PKD1L1: variants seen among roughly 807,000 people sequenced by gnomAD.
PKD1L1 encodes the protein polycystin-1-like protein 1.
PKD1L1 carries 236 observed loss-of-function variants against 323.4 expected under a neutral mutation model. The ratio of observed to expected loss-of-function variants is 0.73; its 90% CI spans 0.66 to 0.81. The LOEUF (loss-of-function observed/expected upper bound fraction) is 0.81, where lower values mean the gene tolerates loss of function less well. Ranked by LOEUF, PKD1L1 falls within the 40% of genes least tolerant of loss-of-function variation. PKD1L1 has a pLI of 0.00. For missense variants in PKD1L1, 3,320 were observed against 3,508.0 expected, an observed-to-expected ratio of 0.95 and a Z score of 1.35; for synonymous variants, 1,344 against 1,335.0, an observed-to-expected ratio of 1.01 and a Z score of -0.15.
chr7:47,787,577 T>C (rs1337534181), intron 56 of PKD1L1, among the ~76,000 whole-genome samples: 1 of 152,188 alleles, frequency 6.6e-6, no homozygotes, highest in African/African-American at 2.4e-5. Context: ...GTGTTGTGTA[T>C]ATAAAGGACT....
chr7:47,947,900 A>G (rs911466775), intron 1 of PKD1L1, among the ~76,000 whole-genome samples: 3 of 151,858 alleles, frequency 2.0e-5, no homozygotes, highest in Non-Finnish European at 2.9e-5. Flanking sequence ...CCCAGGAGGC[A>G]GAGCTTGCAG....
At chr7:47,937,426 A>T (rs558145300) in intron 3 of PKD1L1, among the ~76,000 whole-genome samples, 1 of 152,312 alleles carries the variant, frequency 6.6e-6, no homozygotes, top group East Asian at 1.9e-4. Flanking sequence ...CTGCAGCCAC[A>T]AGTGGGAACC....
Position 47,894,008 on chromosome 7 carries a change from C to G in PKD1L1, c.2323G>C (p.Val775Leu). 7 of 1,609,904 alleles carry G rather than the reference C, an allele frequency of 4.3e-6. No individual in the cohort carries two copies. The highest frequency in any genetic ancestry group is 5.9e-6 in the Non-Finnish European group (7 of 1,177,984). ...VYSNYCVGLE[V>L]RAQAPVSVIS... ...ACACTGACAGGGGCCTGGGCTCGCA[C>G]CTCCAGGCCCACACAGTAGTTGCTG... The change falls in exon 15 of 57, where the codon GTG becomes CTG. Residue 775 changes from valine (V) to leucine (L), a missense_variant. By Grantham distance (32) the Val-to-Leu change is conservative. Transcript: ENST00000289672.
the PKD1L1 span, among the ~76,000 whole-genome samples, chr7:47,956,281 G>A: frequency 6.6e-6 from 1 of 152,224 alleles, no homozygotes; most frequent in South Asian, 2.1e-4. Flanking sequence ...AAAAGAGAGC[G>A]GGAGGTGGGC....
intron 31 of PKD1L1, among the ~76,000 whole-genome samples, chr7:47,851,047 T>C (rs956209457): frequency 6.6e-6 from 1 of 152,160 alleles, no homozygotes; most frequent in South Asian, 2.1e-4. Context: ...CCCTGGGTGT[T>C]GGATTTGAAT....
intron 55 of PKD1L1, among the ~76,000 whole-genome samples, chr7:47,795,123 T>C (rs529172332): frequency 1.3e-5 from 2 of 152,318 alleles, no homozygotes; most frequent in South Asian, 2.1e-4. Flanking sequence ...TAATTGGTTT[T>C]GAAATGTGAG....
chr7:47,890,048 G>T (rs1786775575), intron 16 of PKD1L1, among the ~76,000 whole-genome samples: 1 of 152,238 alleles, frequency 6.6e-6, no homozygotes, highest in South Asian at 2.1e-4. Flanking sequence ...CGCTACAGGG[G>T]TTCTGGGTTT....
upstream of PKD1L1, among the ~76,000 whole-genome samples, chr7:47,952,122 C>T (rs1421702338): frequency 6.6e-6 from 1 of 152,236 alleles, no homozygotes; most frequent in Non-Finnish European, 1.5e-5. Context: ...CCACTCCCAG[C>T]CCACGCTCTG....
intron 7 of PKD1L1, among the ~76,000 whole-genome samples, chr7:47,922,670 C>A (rs1787572688): frequency 6.6e-6 from 1 of 152,014 alleles, no homozygotes. Context: ...AGCCCCTCCG[C>A]CCGGCAGCTG....
At position 47,940,223 on chromosome 7, in the gene PKD1L1, CTG is replaced by C. The variant is rs1787955725; in HGVS notation, c.253_254del (p.Gln85GlufsTer17). 4 of 1,614,134 alleles carry C rather than the reference CTG, an allele frequency of 2.5e-6. No individual in the cohort carries two copies. The African/African-American group carries it at 5.3e-5, about 22-fold the overall frequency. On this transcript the variant is annotated frameshift_variant, in exon 3 of 57. Coordinates refer to ENST00000289672, the MANE Select transcript of PKD1L1 (RefSeq NM_138295.5). LOFTEE classifies it high-confidence loss of function. Reference protein sequence around the residue: ...LNGKAEDRESQSPSSSASRQK... With the variant: ...LNGKAEDRESXSPSSSASRQK... ...GCCTGGAAGCTGATGAGGATGGGCT[CTG>C]TGATTCCCGGTCTTCTGCCTTTCCA...
intron 7 of PKD1L1, among the ~76,000 whole-genome samples, chr7:47,921,238 C>CAAAA (rs139205889): frequency 3.1e-4 from 25 of 79,482 alleles, no homozygotes; most frequent in Admixed American, 5.5e-4. Flanking sequence ...AGACAATTCT[C>CAAAA]AAAAAAAAAA....
intron 3 of PKD1L1, among the ~76,000 whole-genome samples, chr7:47,938,317 G>C (rs13239959): frequency 1.3e-5 from 2 of 152,082 alleles, no homozygotes; most frequent in African/African-American, 4.8e-5. Context: ...ATGCCAGCTC[G>C]TGCCTGAGTG....
chr7:47,860,009 C>T (rs191513413), intron 26 of PKD1L1, among the ~76,000 whole-genome samples: 3 of 152,314 alleles, frequency 2.0e-5, no homozygotes, highest in African/African-American at 7.2e-5. Context: ...ATACGTCTAT[C>T]ACCCAACTTT....
In PKD1L1 at chr7:47,831,225, T is replaced by G. The variant is rs1175401157; in HGVS notation, c.6465A>C (p.Leu2155=). ...SLACSLGTGF[L]AYRFGQEQCV... ...AAAACTCTACAGCTCACCTGTAGGC[T>G]AGAAATCCTGTCCCCAAACTGCAGG... Residue 2155 remains leucine (L), a synonymous_variant, in exon 42 of 57, where the codon CTA becomes CTC. Transcript: ENST00000289672. The G allele has an allele frequency of 6.2e-7, 1 of 1,613,686 alleles. No homozygotes were observed. Among genetic ancestry groups the G allele is most frequent in the African/African-American group, 1.3e-5 (1 of 74,916 alleles).
At chr7:47,815,653 G>A (rs1352592736) in intron 46 of PKD1L1, among the ~76,000 whole-genome samples, 196 bp from the exon 47 acceptor site, 1 of 152,262 alleles carries the variant, frequency 6.6e-6, no homozygotes, top group Non-Finnish European at 1.5e-5. Flanking sequence ...CAGGAGATAA[G>A]AGAGAATGGC....
chr7:47,825,800 G>A (rs976223647), intron 45 of PKD1L1, among the ~76,000 whole-genome samples: 2 of 152,038 alleles, frequency 1.3e-5, no homozygotes, highest in South Asian at 4.2e-4. Context: ...TTGCTTTGTT[G>A]AATATGGTCT....
chr7:47,919,067 G>C (rs1221857266), intron 7 of PKD1L1, among the ~76,000 whole-genome samples: 1 of 151,794 alleles, frequency 6.6e-6, no homozygotes, highest in Non-Finnish European at 1.5e-5. Context: ...AAATACAAAA[G>C]ATAAATAAAA....
chr7:47,907,250 T>C (rs1214119472), intron 9 of PKD1L1, among the ~76,000 whole-genome samples: 1 of 152,236 alleles, frequency 6.6e-6, no homozygotes, highest in African/African-American at 2.4e-5. Flanking sequence ...ATGAGTTCAC[T>C]GAGACTCATC....
chr7:47,881,935 G>A lies in PKD1L1; in HGVS notation c.3416C>T (p.Ala1139Val), dbSNP rs778180457. ...IDWPKALLGR[A>V]VFQGYSSSGI... ...TGAGGATGAATAGCCTTGGAAAACT[G>A]CTCGACCCAGCAGGGCCTTGGGCCA... The change falls in exon 20 of 57, where the codon GCA becomes GTA. Residue 1139 changes from alanine to valine, a missense_variant. Ala to Val is a moderately conservative substitution (Grantham distance 64). Transcript: ENST00000289672. 15 of 1,605,102 alleles carry A rather than the reference G, an allele frequency of 9.3e-6. No individual in the cohort carries two copies. The highest frequency in any genetic ancestry group is 1.1e-5 in the South Asian group (1 of 90,092).
Sources: allele counts gnomAD v4.1 joint callset (sites outside exome capture counted in the v4.1 genomes callset), GRCh38; gene constraint gnomAD v4.1.1; transcripts MANE v1.5; gene names NCBI Gene and HGNC (gene_info 2026-07-23, HGNC 2026-07-21).